SLC13A5: variants seen among roughly 807,000 people sequenced by gnomAD.
SLC13A5 encodes Na(+)/citrate cotransporter.
SLC13A5 carries 25 observed loss-of-function variants against 56.5 expected under a neutral mutation model. The ratio of observed to expected loss-of-function variants is 0.44; its 90% CI spans 0.32 to 0.62. The LOEUF is 0.62. Among genes scored for constraint, SLC13A5 ranks in the 20% least tolerant of loss-of-function variants. The probability of loss-of-function intolerance (pLI) is 0.04; values close to 1 mark genes in which losing one functional copy is unlikely to be tolerated. For missense variants in SLC13A5, 649 were observed against 737.8 expected (o/e 0.88, Z 1.39); for synonymous variants, 307 against 301.5 (o/e 1.02, Z -0.19).
At position 6,692,894 on chromosome 17, in the gene SLC13A5, G is replaced by T; in HGVS notation, c.1275+150C>A. 1.5e-6 allele frequency: 1 copy of T among 662,500 alleles called. No individual in the cohort carries two copies. The highest frequency in any genetic ancestry group is 2.7e-6 in the Non-Finnish European group (1 of 367,026). 41.0% of individuals were successfully genotyped at this position (662,500 alleles called of 1,614,324 possible). On this transcript the variant is annotated intron_variant, in intron 9 of 11. Coordinates refer to ENST00000433363, the MANE Select transcript of SLC13A5 (RefSeq NM_177550.5). This position sits in a 1 kb window ranked among gnomAD's most constrained non-coding sequence, Gnocchi z 5.5. ...TGTGTGTGGTGTAGAGTTCCTAGAT[G>T]ACAAGACAGAGTCCATGTCCTCAAG...
intron 6 of SLC13A5, among the ~76,000 whole-genome samples, chr17:6,699,044 AAAATAAAT>A (rs201152183): frequency 0.031 from 4,250 of 138,140 alleles, 206 homozygotes; most frequent in Admixed American, 0.14. Flanking sequence ...CACTGTCTCA[AAAATAAAT>A]AAATAAATAA....
intron 10 of SLC13A5, chr17:6,689,243 G>C (rs1335510286): frequency 6.6e-6 from 1 of 152,236 alleles, no homozygotes; most frequent in Non-Finnish European, 1.5e-5. Context: ...CCACTGAGGG[G>C]TCCCACGCAG....
rs1567615810 is a variant in SLC13A5 at position 6,692,677 on chromosome 17, C to T, written c.1275+367G>A. ...CCATGTTAAGTAGCCAGTAGAAGGACCAAAAGTAGTAGCAAACAATATTGA... is the reference window on the plus strand; with the variant it reads ...CCATGTTAAGTAGCCAGTAGAAGGATCAAAAGTAGTAGCAAACAATATTGA... On this transcript the variant is annotated intron_variant, in intron 9 of 11. Coordinates refer to ENST00000433363, the MANE Select transcript of SLC13A5 (RefSeq NM_177550.5). This position sits in a 1 kb window ranked among gnomAD's most constrained non-coding sequence, Gnocchi z 5.5. 6.6e-6 allele frequency among the ~76,000 whole-genome samples: 1 copy of T among 152,128 alleles called. No homozygotes were observed. The highest frequency in any genetic ancestry group is 2.4e-5 in the African/African-American group (1 of 41,408).
rs761728610 is a variant in SLC13A5 at position 6,711,104 on chromosome 17, C to T, written c.102+2128G>A. 1.3e-5 allele frequency among the ~76,000 whole-genome samples: 2 copies of T among 151,958 alleles called. No homozygotes were observed. Among genetic ancestry groups the T allele is most frequent in the Non-Finnish European group, 2.9e-5 (2 of 68,000 alleles). Reference sequence around the variant, plus strand: ...CTGGGTGTTGGCAGAGGGTGGCGTGCCCTGGGAGTCACCTCCTGGCAAGGA... The same window carrying T: ...CTGGGTGTTGGCAGAGGGTGGCGTGTCCTGGGAGTCACCTCCTGGCAAGGA... On this transcript the variant is annotated intron_variant, in intron 1 of 11. Coordinates refer to ENST00000433363, the MANE Select transcript of SLC13A5 (RefSeq NM_177550.5). This position sits in a 1 kb window ranked among gnomAD's most constrained non-coding sequence, Gnocchi z 4.0.
Position 6,692,879 on chromosome 17 carries a change from G to A in SLC13A5, c.1275+165C>T. The A allele has an allele frequency of 1.6e-6, 1 of 631,470 alleles. No homozygotes were observed. Among genetic ancestry groups the A allele is most frequent in the Admixed American group, 2.5e-5 (1 of 39,316 alleles). The allele number at this position is 631,470 out of a possible 1,614,324, so 39.1% of individuals were successfully genotyped here. ...CTGTCTTCCAGGCCCTGTGTGTGGT[G>A]TAGAGTTCCTAGATGACAAGACAGA... On this transcript the variant is annotated intron_variant, in intron 9 of 11. Coordinates refer to ENST00000433363, the MANE Select transcript of SLC13A5 (RefSeq NM_177550.5). The surrounding 1 kb of genome is among the most constrained non-coding windows in gnomAD (Gnocchi z 5.5).
chr17:6,713,204 C>A lies in SLC13A5; in HGVS notation c.102+28G>T. ...TAGTGGGCACAGGACGCCGGGTGTCCGAAGGGCTGCCTGGAGATGCAACTG... is the reference window on the plus strand; with the variant it reads ...TAGTGGGCACAGGACGCCGGGTGTCAGAAGGGCTGCCTGGAGATGCAACTG... On this transcript the variant is annotated intron_variant, in intron 1 of 11. Transcript: ENST00000433363. The surrounding 1 kb of genome is among the most constrained non-coding windows in gnomAD (Gnocchi z 7.3). 1 of 1,609,572 alleles carries A rather than the reference C, an allele frequency of 6.2e-7. No homozygotes were observed. The highest frequency in any genetic ancestry group is 1.1e-5 in the South Asian group (1 of 90,832).
At position 6,713,354 on chromosome 17, in the gene SLC13A5, G is replaced by A; in HGVS notation, c.-21C>T. The A allele has an allele frequency of 3.1e-6, 5 of 1,609,982 alleles. No individual in the cohort carries two copies. Among genetic ancestry groups the A allele is most frequent in the Non-Finnish European group, 4.2e-6 (5 of 1,177,376 alleles). On this transcript the variant is annotated 5_prime_UTR_variant, in exon 1 of 12. Coordinates refer to ENST00000433363, the MANE Select transcript of SLC13A5 (RefSeq NM_177550.5). The surrounding 1 kb of genome is among the most constrained non-coding windows in gnomAD (Gnocchi z 7.3). ...GCCATCGCGCGGGAGGGAGACTGGCGGGCGAGACGAGTGAGGGGCAGCTAG... is the reference window on the plus strand; with the variant it reads ...GCCATCGCGCGGGAGGGAGACTGGCAGGCGAGACGAGTGAGGGGCAGCTAG...
chr17:6,700,389 C>G (rs1597667910), intron 6 of SLC13A5, among the ~76,000 whole-genome samples: 1 of 152,132 alleles, frequency 6.6e-6, no homozygotes, highest in Non-Finnish European at 1.5e-5. Context: ...TGGTCATAAT[C>G]ACTGCTGGTT....
chr17:6,690,881 C>T lies in SLC13A5; in HGVS notation c.1335G>A (p.Pro445=), dbSNP rs138802643. The T allele has an allele frequency of 1.1e-5, 17 of 1,614,052 alleles. No individual in the cohort carries two copies. The highest frequency in any genetic ancestry group is 1.6e-4 in the Middle Eastern group (1 of 6,084). ...KQMEPLHAVP[P]AAITLILSLL... ...AGGACAAGATCAAGGTGATGGCTGC[C>T]GGGGGCACTGCGTGCAAGGGCTCCA... is the stretch of plus-strand genomic sequence containing the variant. Residue 445 remains proline (P), a synonymous_variant, in exon 10 of 12, where the codon CCG becomes CCA. Transcript: ENST00000433363.
chr17:6,701,653 T>C lies in SLC13A5; in HGVS notation c.717-527A>G, dbSNP rs144647270. Among the ~76,000 whole-genome samples the C allele has an allele frequency of 4.9e-3, 747 of 152,258 alleles. 1 individual carries two copies. The highest frequency in any genetic ancestry group is 7.0e-3 in the Non-Finnish European group (476 of 68,028). ...TGAACCCAGGAGGCAGAGGTTGCAG[T>C]GAGCCAACATCGCGCCACTGCACTC... On this transcript the variant is annotated intron_variant, in intron 5 of 11. Coordinates refer to ENST00000433363, the MANE Select transcript of SLC13A5 (RefSeq NM_177550.5). The surrounding 1 kb of genome is among the most constrained non-coding windows in gnomAD (Gnocchi z 4.1).
Position 6,711,485 on chromosome 17 carries a change from G to GGTGTGTGTGT in SLC13A5, c.102+1737_102+1746dup, listed in dbSNP as rs59197080. On this transcript the variant is annotated intron_variant, in intron 1 of 11. Coordinates refer to ENST00000433363, the MANE Select transcript of SLC13A5 (RefSeq NM_177550.5). This position sits in a 1 kb window ranked among gnomAD's most constrained non-coding sequence, Gnocchi z 4.0. ...CACTGAGTTAGGGTTTCCAGTTCAG[G>GGTGTGTGTGT]GTGTGTGTGTGTGTGTGTGTGTATG... 6.1e-5 allele frequency among the ~76,000 whole-genome samples: 9 copies of GGTGTGTGTGT among 148,216 alleles called. No homozygotes were observed. In the East Asian group the frequency reaches 8.4e-4, roughly 14 times the overall value.
At chr17:6,709,095 A>T (rs532702678) in intron 1 of SLC13A5, among the ~76,000 whole-genome samples, 56 of 144,116 alleles carry the variant, frequency 3.9e-4, no homozygotes, top group African/African-American at 1.4e-3. Context: ...GGCTCAAGGG[A>T]TCCTTCCTTT....
intron 9 of SLC13A5, 26 bp downstream of exon 9, chr17:6,693,018 G>A: frequency 6.4e-7 from 1 of 1,574,244 alleles, no homozygotes; most frequent in Non-Finnish European, 8.7e-7. Context: ...AGAGGGCTCT[G>A]GGCAGCCTGT....
At chr17:6,698,707 G>A (rs1210146431) in intron 6 of SLC13A5, among the ~76,000 whole-genome samples, 1 of 152,178 alleles carries the variant, frequency 6.6e-6, no homozygotes, top group Non-Finnish European at 1.5e-5. Flanking sequence ...TAATAATAGT[G>A]CTGACCTCGC....
In SLC13A5 at chr17:6,687,230, G is replaced by A; in HGVS notation, c.1575+299C>T. The stretch of plus-strand genomic sequence containing the variant: ...TTGTCAAGTTCATCCTTGGCCATAT[G>A]AGTCCCTCAGCCCCACCTTCACCCC... On this transcript the variant is annotated intron_variant, in intron 11 of 11. Coordinates refer to ENST00000433363, the MANE Select transcript of SLC13A5 (RefSeq NM_177550.5). This position sits in a 1 kb window ranked among gnomAD's most constrained non-coding sequence, Gnocchi z 5.0. 2 of 344,900 alleles carry A rather than the reference G, an allele frequency of 5.8e-6. No homozygotes were observed. The highest frequency in any genetic ancestry group is 6.5e-5 in the South Asian group (2 of 30,798). 21.4% of individuals were successfully genotyped at this position (344,900 alleles called of 1,614,324 possible). A position where few individuals can be genotyped will look rare whatever the true frequency, so the allele number is the denominator to read the frequency against.
rs1460349637 is a variant in SLC13A5 at position 6,711,428 on chromosome 17, T to TCTC, written c.102+1803_102+1804insGAG. Among the ~76,000 whole-genome samples the TCTC allele has an allele frequency of 9.6e-5, 13 of 135,052 alleles. No homozygotes were observed. Among genetic ancestry groups the TCTC allele is most frequent in the African/African-American group, 4.1e-4 (13 of 32,010 alleles). The allele number at this position is 135,052 out of a possible 152,430, so 88.6% of individuals were successfully genotyped here. A position where few individuals can be genotyped will look rare whatever the true frequency, so the allele number is the denominator to read the frequency against. On this transcript the variant is annotated intron_variant, in intron 1 of 11. Transcript: ENST00000433363. This position sits in a 1 kb window ranked among gnomAD's most constrained non-coding sequence, Gnocchi z 4.0. ...GCTTAATCTCTCTCTCTCTCTCTCT[T>TCTC]ACACACACACACATACACACACATA...
intron 6 of SLC13A5, among the ~76,000 whole-genome samples, chr17:6,699,534 G>A (rs1020008428): frequency 6.6e-6 from 1 of 152,112 alleles, no homozygotes; most frequent in African/African-American, 2.4e-5. Context: ...GCAGTGGCAT[G>A]ATCTTGGCTT....
chr17:6,696,825 G>A (rs1308951252), intron 6 of SLC13A5, among the ~76,000 whole-genome samples: 1 of 152,140 alleles, frequency 6.6e-6, no homozygotes. Flanking sequence ...CCCTTCCGGG[G>A]GCCATGAGAC....
chr17:6,698,635 GCT>G (rs2151489872), intron 6 of SLC13A5, among the ~76,000 whole-genome samples: 1 of 152,338 alleles, frequency 6.6e-6, no homozygotes, highest in East Asian at 1.9e-4. Flanking sequence ...CTGTTACAAA[GCT>G]CTGTGTTGAC....
Sources: gnomAD v4.1 joint callset for allele counts (sites outside exome capture counted in the v4.1 genomes callset) on GRCh38, gnomAD v4.1.1 for gene constraint, Gnocchi (gnomAD v3.1) non-coding constraint, MANE v1.5 for transcripts, NCBI Gene and HGNC (gene_info 2026-07-23, HGNC 2026-07-21) for gene names.